FGD4: variants seen among roughly 807,000 people sequenced by gnomAD.
FGD4 encodes the protein FYVE, RhoGEF and PH domain containing 4.
In FGD4, 42 loss-of-function variants were observed where a neutral mutation model predicts 102.0. That is an observed-to-expected ratio of 0.41 (90% CI 0.32 to 0.53). The LOEUF is 0.53. FGD4 is among the 20% of genes least tolerant of loss of function. The pLI is 0.21. For synonymous variants in FGD4, 380 were observed against 375.7 expected, an observed-to-expected ratio of 1.01 and a Z score of -0.13; for missense variants, 902 against 1,078.2, an observed-to-expected ratio of 0.84 and a Z score of 2.29.
intron 1 of FGD4, among the ~76,000 whole-genome samples, chr12:32,527,946 A>G (rs1400025715): frequency 1.3e-5 from 2 of 151,748 alleles, no homozygotes; most frequent in Non-Finnish European, 2.9e-5. Flanking sequence ...TACAGATAAA[A>G]TTTCCTTTTT....
At chr12:32,579,126 G>C (rs1773028221) in intron 3 of FGD4, among the ~76,000 whole-genome samples, 2 of 127,234 alleles carry the variant, frequency 1.6e-5, no homozygotes, top group Non-Finnish European at 3.1e-5. Context: ...AGCTCACCAT[G>C]ACCTCCGCCT....
At position 32,640,947 on chromosome 12, in the gene FGD4, A is replaced by G. The variant is rs1951128206; in HGVS notation, c.*414A>G. 6.6e-6 allele frequency: 2 copies of G among 302,060 alleles called. No homozygotes were observed. Among genetic ancestry groups the G allele is most frequent in the African/African-American group, 4.3e-5 (2 of 46,078 alleles). 18.7% of individuals were successfully genotyped at this position (302,060 alleles called of 1,614,324 possible). ...TGCCAAAATAGATCCATGGTGAAAAATACAGGGACAGTTGAGGCTATTGTA... is the reference window on the plus strand; with the variant it reads ...TGCCAAAATAGATCCATGGTGAAAAGTACAGGGACAGTTGAGGCTATTGTA... On this transcript the variant is annotated 3_prime_UTR_variant, in exon 17 of 17. Coordinates refer to ENST00000534526, the MANE Select transcript of FGD4 (RefSeq NM_001370298.3).
At chr12:32,536,836 TAAAC>T (rs758488763) in intron 1 of FGD4, among the ~76,000 whole-genome samples, 9 of 152,108 alleles carry the variant, frequency 5.9e-5, no homozygotes, top group South Asian at 2.1e-4. Flanking sequence ...TTAAAACATT[TAAAC>T]AAACAAACAA....
In FGD4 at chr12:32,424,778, T is replaced by C. The variant is rs1941773264; in HGVS notation, c.166+24819T>C. ...GAATGCTATTCTAACTGGTGTGAGA[T>C]GGTATCTCACTGTGGTTTTGATTTC... On this transcript the variant is annotated intron_variant, in intron 1 of 16. Coordinates refer to ENST00000534526, the MANE Select transcript of FGD4 (RefSeq NM_001370298.3). 4.6e-5 allele frequency among the ~76,000 whole-genome samples: 7 copies of C among 152,360 alleles called. No homozygotes were observed. In the South Asian group the frequency reaches 1.4e-3, roughly 32 times the overall value.
At chr12:32,555,608 G>C (rs1158386837) in intron 1 of FGD4, among the ~76,000 whole-genome samples, 8 of 131,118 alleles carry the variant, frequency 6.1e-5, no homozygotes, top group African/African-American at 2.3e-4. Flanking sequence ...GTCTCGCTCT[G>C]TCACCCAGGC....
rs1946134166 is a variant in FGD4 at position 32,576,455 on chromosome 12, A to T, written c.503+6A>T. On this transcript the variant is annotated splice_donor_region_variant and intron_variant, in intron 3 of 16. Transcript: ENST00000534526. ...AGTCGCTTTGAAGGAGGCAGGTAAG[A>T]GCTAATTTACAATGGGAGAAGGCAG... The T allele has an allele frequency of 6.2e-7, 1 of 1,614,162 alleles. No homozygotes were observed. Among genetic ancestry groups the T allele is most frequent in the Non-Finnish European group, 8.5e-7 (1 of 1,180,002 alleles).
intron 1 of FGD4, among the ~76,000 whole-genome samples, chr12:32,418,635 C>A (rs1226774428): frequency 6.6e-6 from 1 of 152,170 alleles, no homozygotes; most frequent in Non-Finnish European, 1.5e-5. Flanking sequence ...GTGGCCACCA[C>A]AACTGGGACT....
At position 32,644,472 on chromosome 12, in the gene FGD4, C is replaced by T. The variant is rs929512504; in HGVS notation, c.*3939C>T. 2.0e-5 allele frequency: 3 copies of T among 152,034 alleles called. No individual in the cohort carries two copies. The highest frequency in any genetic ancestry group is 7.2e-5 in the African/African-American group (3 of 41,398). 9.4% of individuals were successfully genotyped at this position (152,034 alleles called of 1,614,324 possible). The stretch of plus-strand genomic sequence containing the variant: ...TTCCATAGAAATGAACTTTTTCTAT[C>T]GAAATTGTTTAACTTAAATATTTTA... On this transcript the variant is annotated 3_prime_UTR_variant, in exon 17 of 17. Transcript: ENST00000534526.
chr12:32,592,337 T>G lies in FGD4; in HGVS notation c.1012-6160T>G, dbSNP rs144354160. Among the ~76,000 whole-genome samples the G allele has an allele frequency of 2.0e-5, 3 of 151,890 alleles. No homozygotes were observed. The East Asian group carries it at 5.8e-4, about 29-fold the overall frequency. ...AATAAAGGGATATCAAAAGTAAGAT[T>G]CTTTTAAAATCCCATTTTTGAAAAA... On this transcript the variant is annotated intron_variant, in intron 4 of 16. Transcript: ENST00000534526.
chr12:32,598,535 A>G lies in FGD4; in HGVS notation c.1050A>G (p.Glu350=). 1 of 1,613,622 alleles carries G rather than the reference A, an allele frequency of 6.2e-7. No individual in the cohort carries two copies. Among genetic ancestry groups the G allele is most frequent in the Non-Finnish European group, 8.5e-7 (1 of 1,179,882 alleles). The change falls in exon 5 of 17, where the codon GAA becomes GAG. Residue 350 remains glutamate, a synonymous_variant. Coordinates refer to ENST00000534526, the MANE Select transcript of FGD4 (RefSeq NM_001370298.3). ...AAAAACTTCACAAAATAGCCAATGA[A>G]CTTTTGCTTACTGAAAGAGCTTATG... ...NEQKLHKIAN[E]LLLTERAYVN...
chr12:32,564,007 G>T (rs1355446136), intron 1 of FGD4, 130 bp from the exon 2 acceptor site: 23 of 883,470 alleles, frequency 2.6e-5, no homozygotes, highest in Non-Finnish European at 3.6e-5. Context: ...GAGGGAGACC[G>T]TGGAAAGGGG....
At chr12:32,568,549 C>G (rs1945377550) in intron 2 of FGD4, among the ~76,000 whole-genome samples, 1 of 152,230 alleles carries the variant, frequency 6.6e-6, no homozygotes, top group Non-Finnish European at 1.5e-5. Context: ...TTTCTCTTAA[C>G]AGCTTCTATC....
intron 1 of FGD4, among the ~76,000 whole-genome samples, chr12:32,410,602 C>A (rs1941164778): frequency 6.6e-6 from 1 of 152,182 alleles, no homozygotes; most frequent in African/African-American, 2.4e-5. Flanking sequence ...TTCTGGGAGC[C>A]CACAGTCAAC....
chr12:32,428,638 G>A (rs1941933485), intron 1 of FGD4, among the ~76,000 whole-genome samples: 1 of 152,044 alleles, frequency 6.6e-6, no homozygotes, highest in African/African-American at 2.4e-5. Context: ...AAGTTCTCCT[G>A]GATAATATCC....
intron 1 of FGD4, among the ~76,000 whole-genome samples, chr12:32,538,505 A>G (rs972604262): frequency 1.8e-4 from 27 of 152,186 alleles, no homozygotes; most frequent in African/African-American, 5.3e-4. Context: ...GCAGCATGTC[A>G]ATAATGAGTT....
chr12:32,427,788 G>A (rs942170946), intron 1 of FGD4, among the ~76,000 whole-genome samples: 12 of 152,262 alleles, frequency 7.9e-5, no homozygotes, highest in African/African-American at 2.6e-4. Flanking sequence ...AGCTCTTCTT[G>A]TTGAATTGAT....
chr12:32,539,699 CAACAGTT>C (rs1325611255), intron 1 of FGD4, among the ~76,000 whole-genome samples: 2 of 146,728 alleles, frequency 1.4e-5, no homozygotes, highest in Non-Finnish European at 3.0e-5. Flanking sequence ...AATCTGTAGC[CAACAGTT>C]AATGTTAAAA....
At chr12:32,502,415 A>G (rs1938298711) in intron 1 of FGD4, 1 of 885,584 alleles carries the variant, frequency 1.1e-6, no homozygotes, top group Non-Finnish European at 1.4e-6. Context: ...GTCCAAGGAA[A>G]GTGAGCTCTA....
intron 1 of FGD4, among the ~76,000 whole-genome samples, chr12:32,542,818 T>C (rs1388554673): frequency 6.6e-6 from 1 of 152,242 alleles, no homozygotes; most frequent in Non-Finnish European, 1.5e-5. Context: ...AATTTACTTT[T>C]GATTTCTCAA....
Sources: gnomAD v4.1 joint callset for allele counts (sites outside exome capture counted in the v4.1 genomes callset) on GRCh38, gnomAD v4.1.1 for gene constraint, MANE v1.5 for transcripts, NCBI Gene and HGNC (gene_info 2026-07-23, HGNC 2026-07-21) for gene names.